The following PALM2AKAP2 variants were observed in gnomAD, a reference collection of about 807,000 sequenced individuals.
PALM2AKAP2 encodes PALM2-AKAP2 fusion protein.
PALM2AKAP2 carries 37 observed loss-of-function variants against 71.5 expected under a neutral mutation model. The observed-to-expected ratio is 0.52, with a 90% CI of 0.40 to 0.68. PALM2AKAP2 has a LOEUF of 0.68. PALM2AKAP2 is among the 30% of genes least tolerant of loss of function. The pLI is 0.00. For missense variants in PALM2AKAP2, 1,224 were observed against 1,191.8 expected, an observed-to-expected ratio of 1.03 and a Z score of -0.40; for synonymous variants, 468 against 478.8, an observed-to-expected ratio of 0.98 and a Z score of 0.29.
intron 1 of PALM2AKAP2, among the ~76,000 whole-genome samples, chr9:109,663,108 C>G (rs1220837207): frequency 1.3e-5 from 2 of 152,066 alleles, no homozygotes; most frequent in African/African-American, 4.8e-5. Flanking sequence ...GGCTAGCGGT[C>G]TACCAATTTT....
chr9:110,112,497 T>G (rs984584639), intron 1 of PALM2AKAP2, among the ~76,000 whole-genome samples: 6 of 152,250 alleles, frequency 3.9e-5, no homozygotes, highest in Non-Finnish European at 8.8e-5. Flanking sequence ...GGTATTCAAT[T>G]AATAATTGTT....
chr9:109,715,276 T>C (rs544541146), intron 1 of PALM2AKAP2, among the ~76,000 whole-genome samples: 2 of 152,300 alleles, frequency 1.3e-5, no homozygotes, highest in African/African-American at 4.8e-5. Flanking sequence ...TTTGGAAATG[T>C]ACAAAAGTGG....
chr9:109,965,235 C>G (rs1339650792), intron 6 of PALM2AKAP2, among the ~76,000 whole-genome samples: 1 of 152,146 alleles, frequency 6.6e-6, no homozygotes, highest in East Asian at 1.9e-4. Context: ...TTTAAAATGC[C>G]TCATGCACAA....
intron 6 of PALM2AKAP2, among the ~76,000 whole-genome samples, chr9:110,000,920 A>C (rs1226958267): frequency 6.6e-6 from 1 of 152,148 alleles, no homozygotes. Flanking sequence ...TTAGCCCTTC[A>C]TCAGATGAGT....
chr9:110,157,158 GT>G (rs1468758578), intron 3 of PALM2AKAP2, among the ~76,000 whole-genome samples: 2 of 152,164 alleles, frequency 1.3e-5, no homozygotes, highest in Non-Finnish European at 1.5e-5. Flanking sequence ...CATAGGAACT[GT>G]TGCTCTACAC....
At chr9:110,162,257 T>C in intron 3 of PALM2AKAP2, 125 bp downstream of exon 10, 1 of 1,422,352 alleles carries the variant, frequency 7.0e-7, no homozygotes, top group Non-Finnish European at 9.9e-7. Context: ...TCCATATGTA[T>C]TTTTTTGTGC....
intron 1 of PALM2AKAP2, among the ~76,000 whole-genome samples, chr9:109,742,700 G>A (rs990538983): frequency 6.6e-6 from 1 of 152,190 alleles, no homozygotes; most frequent in East Asian, 1.9e-4. Context: ...AACCTATGCT[G>A]GCCCCTTACA....
chr9:109,664,391 C>CA (rs1827446492), intron 1 of PALM2AKAP2, among the ~76,000 whole-genome samples: 1 of 152,168 alleles, frequency 6.6e-6, no homozygotes, highest in Non-Finnish European at 1.5e-5. Context: ...CTGGTGGTGA[C>CA]AAAATCTCTC....
At chr9:110,149,237 T>A (rs1228060775) in intron 2 of PALM2AKAP2, among the ~76,000 whole-genome samples, 1 of 152,252 alleles carries the variant, frequency 6.6e-6, no homozygotes, top group Non-Finnish European at 1.5e-5. Flanking sequence ...TTGGGCTTCC[T>A]TGCTGCTTAG....
At chr9:109,904,063 T>G (rs556060740) in intron 3 of PALM2AKAP2, among the ~76,000 whole-genome samples, 1 of 152,198 alleles carries the variant, frequency 6.6e-6, no homozygotes, top group African/African-American at 2.4e-5. Flanking sequence ...TTAACAGACT[T>G]GTTTCTAAAT....
At chr9:110,072,340 G>T (rs1834223946) in intron 1 of PALM2AKAP2, among the ~76,000 whole-genome samples, 1 of 152,162 alleles carries the variant, frequency 6.6e-6, no homozygotes, top group Admixed American at 6.5e-5. Flanking sequence ...GCTAAGGGTG[G>T]CAAGGGGCCC....
intron 3 of PALM2AKAP2, among the ~76,000 whole-genome samples, chr9:109,915,654 T>C (rs908263261): frequency 6.6e-6 from 1 of 152,184 alleles, no homozygotes. Flanking sequence ...TTAAGTATTA[T>C]AATGTACGTA....
At chr9:110,164,037 T>C (rs188944909) in intron 3 of PALM2AKAP2, among the ~76,000 whole-genome samples, 17 of 152,330 alleles carry the variant, frequency 1.1e-4, no homozygotes, top group Non-Finnish European at 7.3e-5. Context: ...TATTTAAATA[T>C]AGAGCTGACC....
intron 6 of PALM2AKAP2, among the ~76,000 whole-genome samples, chr9:109,990,633 C>T (rs1832462373): frequency 6.6e-6 from 1 of 152,208 alleles, no homozygotes; most frequent in South Asian, 2.1e-4. Flanking sequence ...ATTCAACTCT[C>T]TGTCAAAGTA....
intron 1 of PALM2AKAP2, among the ~76,000 whole-genome samples, chr9:109,794,733 AC>A (rs888912567): frequency 1.3e-5 from 2 of 152,220 alleles, no homozygotes; most frequent in Non-Finnish European, 2.9e-5. Context: ...ACTCAAAAAC[AC>A]CAGCTACAAT....
At chr9:110,111,198 C>G (rs143829762) in intron 1 of PALM2AKAP2, among the ~76,000 whole-genome samples, 2,021 of 142,206 alleles carry the variant, frequency 0.014, 22 homozygotes, top group Middle Eastern at 0.055. Flanking sequence ...CTCCAGTGAT[C>G]CTCTGACCTC....
intron 2 of PALM2AKAP2, among the ~76,000 whole-genome samples, chr9:109,877,128 G>C (rs1829738454): frequency 6.6e-6 from 1 of 152,094 alleles, no homozygotes; most frequent in African/African-American, 2.4e-5. Context: ...TTTCCAGAAG[G>C]GTCCACACCA....
intron 1 of PALM2AKAP2, among the ~76,000 whole-genome samples, chr9:110,098,832 C>A (rs995939203): frequency 3.9e-5 from 6 of 152,208 alleles, no homozygotes; most frequent in African/African-American, 1.4e-4. Context: ...TTTCCACGCA[C>A]CTCCACATTT....
At chr9:109,855,075 CT>C (rs968145051) in intron 1 of PALM2AKAP2, among the ~76,000 whole-genome samples, 36 of 146,702 alleles carry the variant, frequency 2.5e-4, no homozygotes, top group African/African-American at 7.9e-4. Context: ...GTGCCCCCCC[CT>C]TTTTTTGGGG....
Sources: allele counts gnomAD v4.1 joint callset (sites outside exome capture counted in the v4.1 genomes callset), GRCh38; gene constraint gnomAD v4.1.1; transcripts MANE v1.5; gene names NCBI Gene and HGNC (gene_info 2026-07-23, HGNC 2026-07-21).